The following ANKHD1 variants were observed in gnomAD, a reference collection of about 807,000 sequenced individuals.
The protein encoded by ANKHD1 is ankyrin repeat and KH domain containing 1, also known as ankyrin repeat and KH domain-containing protein 1.
A neutral mutation model predicts 230.5 loss-of-function variants in ANKHD1; 31 were observed. The ratio of observed to expected loss-of-function variants is 0.13; its 90% CI spans 0.10 to 0.18. The LOEUF (loss-of-function observed/expected upper bound fraction) is 0.18. ANKHD1 is among the 10% of genes least tolerant of loss of function. The pLI is 1.00. For missense variants in ANKHD1, 2,256 were observed against 3,071.3 expected, an observed-to-expected ratio of 0.73 and a Z score of 6.27; for synonymous variants, 1,074 against 1,117.6, an observed-to-expected ratio of 0.96 and a Z score of 0.78.
intron 15 of ANKHD1, among the ~76,000 whole-genome samples, chr5:140,497,484 A>G (rs865950851): frequency 1.3e-5 from 2 of 152,180 alleles, no homozygotes; most frequent in African/African-American, 4.8e-5. Context: ...CTTTTTTGTC[A>G]TATTGCAAAG....
chr5:140,468,827 G>A (rs1181316574), intron 10 of ANKHD1, among the ~76,000 whole-genome samples: 2 of 152,082 alleles, frequency 1.3e-5, no homozygotes, highest in African/African-American at 4.8e-5. Flanking sequence ...TACAAATGGT[G>A]CTGCAGTAAA....
At chr5:140,428,181 A>G (rs1185333923) in intron 1 of ANKHD1, among the ~76,000 whole-genome samples, 7 of 149,898 alleles carry the variant, frequency 4.7e-5, no homozygotes, top group East Asian at 2.0e-4. Flanking sequence ...GGCTCCTCAC[A>G]TCCCAGACGA....
chr5:140,491,139 C>CATATATATAT (rs1193439242), intron 14 of ANKHD1, among the ~76,000 whole-genome samples: 1 of 56,350 alleles, frequency 1.8e-5, no homozygotes, highest in East Asian at 6.5e-4. Context: ...TATATATACA[C>CATATATATAT]ATATATATAT....
chr5:140,424,008 G>C (rs1467695031), intron 1 of ANKHD1, among the ~76,000 whole-genome samples: 2 of 152,084 alleles, frequency 1.3e-5, no homozygotes, highest in Non-Finnish European at 2.9e-5. Context: ...GTAGATAAAG[G>C]ATCCAAATTC....
chr5:140,420,646 G>T (rs569459260), intron 1 of ANKHD1, among the ~76,000 whole-genome samples: 8 of 152,320 alleles, frequency 5.3e-5, no homozygotes, highest in Non-Finnish European at 1.2e-4. Context: ...TTGACTACGT[G>T]TGAGGGTTTA....
chr5:140,533,608 A>C (rs1753936663), intron 29 of ANKHD1, among the ~76,000 whole-genome samples: 1 of 151,672 alleles, frequency 6.6e-6, no homozygotes, highest in Non-Finnish European at 1.5e-5. Context: ...CAAGAAAAAT[A>C]AATAAATAAA....
intron 14 of ANKHD1, among the ~76,000 whole-genome samples, chr5:140,491,400 A>AGAGATCTGCCCGAG (rs1491089457): frequency 6.6e-6 from 1 of 151,696 alleles, no homozygotes; most frequent in Admixed American, 6.6e-5. Context: ...CCTGAGCTCA[A>AGAGATCTGCCCGAG]GAGATCTGCC....
Position 140,516,424 on chromosome 5 carries a change from G to A in ANKHD1, c.4317+2945G>A, listed in dbSNP as rs947322291. The stretch of plus-strand genomic sequence containing the variant: ...ATCTAGCAAGGCAGGCCAACATTCC[G>A]ATTCAGGAAATACAGAGAACGCCAC... On this transcript the variant is annotated intron_variant, in intron 24 of 33. Coordinates refer to ENST00000360839, the MANE Select transcript of ANKHD1 (RefSeq NM_017747.3). Among the ~76,000 whole-genome samples, 186 of 152,024 alleles carry A rather than the reference G, an allele frequency of 1.2e-3. 1 individual carries two copies. Among genetic ancestry groups the A allele is most frequent in the African/African-American group, 4.3e-3 (180 of 41,492 alleles).
At chr5:140,509,178 C>T (rs1028989828) in intron 20 of ANKHD1, among the ~76,000 whole-genome samples, 1 of 152,162 alleles carries the variant, frequency 6.6e-6, no homozygotes, top group African/African-American at 2.4e-5. Context: ...TTGTGTGCCA[C>T]TCATCCATTA....
At chr5:140,472,151 C>A in intron 10 of ANKHD1, 1 of 1,055,052 alleles carries the variant, frequency 9.5e-7, no homozygotes. Context: ...AGCCCACCAT[C>A]TGAAGTATCG....
At chr5:140,416,857 T>G (rs999565337) in intron 1 of ANKHD1, among the ~76,000 whole-genome samples, 1 of 151,482 alleles carries the variant, frequency 6.6e-6, no homozygotes, top group Non-Finnish European at 1.5e-5. Context: ...AGGATGGGTT[T>G]TTTTTTTTTT....
At chr5:140,447,546 A>G (rs554321315) in intron 6 of ANKHD1, among the ~76,000 whole-genome samples, 8 of 152,180 alleles carry the variant, frequency 5.3e-5, no homozygotes, top group Non-Finnish European at 1.0e-4. Flanking sequence ...TGATGATTAT[A>G]TACTATTTCA....
intron 1 of ANKHD1, among the ~76,000 whole-genome samples, chr5:140,430,855 A>G (rs1337171634): frequency 2.0e-5 from 3 of 151,886 alleles, no homozygotes; most frequent in African/African-American, 7.3e-5. Flanking sequence ...CGTAGAGACA[A>G]GGTCTCACTA....
chr5:140,438,136 T>C (rs1345595111), intron 2 of ANKHD1, among the ~76,000 whole-genome samples: 1 of 152,206 alleles, frequency 6.6e-6, no homozygotes, highest in African/African-American at 2.4e-5. Flanking sequence ...AGAGATCTTA[T>C]GGTGTGACTA....
At chr5:140,524,279 CTTTG>C (rs762599999) in intron 25 of ANKHD1, 39 bp downstream of exon 25, 31 of 1,523,048 alleles carry the variant, frequency 2.0e-5, no homozygotes, top group Middle Eastern at 1.7e-4. Flanking sequence ...TAAAATTCTC[CTTTG>C]TTTATCAACT....
At chr5:140,482,785 C>A in intron 11 of ANKHD1, 118 bp downstream of exon 11, 1 of 1,051,952 alleles carries the variant, frequency 9.5e-7, no homozygotes, top group Non-Finnish European at 1.3e-6. Context: ...GTATTCTTGC[C>A]TTTTGTTATT....
intron 7 of ANKHD1, among the ~76,000 whole-genome samples, chr5:140,455,696 G>T (rs575951287): frequency 1.3e-5 from 2 of 152,216 alleles, no homozygotes; most frequent in Non-Finnish European, 2.9e-5. Flanking sequence ...AATAAATTAG[G>T]TATTGATGGG....
chr5:140,442,181 A>G (rs888479323), intron 5 of ANKHD1, among the ~76,000 whole-genome samples: 1 of 151,828 alleles, frequency 6.6e-6, no homozygotes, highest in Non-Finnish European at 1.5e-5. Flanking sequence ...CTGGGATTAC[A>G]GGCGAGTACC....
intron 1 of ANKHD1, among the ~76,000 whole-genome samples, chr5:140,434,216 T>TA (rs887066097): frequency 1.3e-5 from 2 of 152,248 alleles, no homozygotes; most frequent in Admixed American, 6.5e-5. Flanking sequence ...TCCTTTTTTT[T>TA]ATAAATGTGT....
Sources: allele counts gnomAD v4.1 joint callset (sites outside exome capture counted in the v4.1 genomes callset), GRCh38; gene constraint gnomAD v4.1.1; transcripts MANE v1.5; gene names NCBI Gene and HGNC (gene_info 2026-07-23, HGNC 2026-07-21).